The following EMC8 variants were observed in gnomAD, a reference collection of about 807,000 sequenced individuals.
EMC8 encodes ER membrane protein complex subunit 8, also known as COX4 neighbor.
A neutral mutation model predicts 24.3 loss-of-function variants in EMC8; 11 were observed. That is an observed-to-expected ratio of 0.45 (90% CI 0.28 to 0.75). EMC8 has a LOEUF of 0.75. Among genes scored for constraint, EMC8 ranks in the 30% least tolerant of loss-of-function variants. The pLI is 0.12. For synonymous variants in EMC8, 145 were observed against 117.7 expected (o/e 1.23, Z -1.50); for missense variants, 277 against 282.7 (o/e 0.98, Z 0.14).
In EMC8 at chr16:85,779,720, T is replaced by C. The variant is rs368476113; in HGVS notation, c.621A>G (p.Leu207=). The C allele has an allele frequency of 4.3e-6, 7 of 1,614,086 alleles. No individual in the cohort carries two copies. The highest frequency in any genetic ancestry group is 5.9e-6 in the Non-Finnish European group (7 of 1,180,030). The stretch of plus-strand genomic sequence containing the variant: ...CAGCGGTGCCTGCCTAGCACAAGTG[T>C]AGGACAGCTTTATTGATCTCTGGGT... The part of the protein sequence containing the change: ...WTNPEINKAV[L]HLC Residue 207 remains leucine, a synonymous_variant, in exon 5 of 5, where the codon CTA becomes CTG. Transcript: ENST00000253457.
At chr16:85,784,434 TTA>T (rs1904655663) in intron 2 of EMC8, 1 of 152,254 alleles carries the variant, frequency 6.6e-6, no homozygotes, top group Non-Finnish European at 1.5e-5. Flanking sequence ...ACAAATTATT[TTA>T]TATGATTATT....
intron 1 of EMC8, among the ~76,000 whole-genome samples, chr16:85,790,924 T>C (rs1452594766): frequency 6.6e-6 from 1 of 152,142 alleles, no homozygotes; most frequent in Non-Finnish European, 1.5e-5. Flanking sequence ...ACTCCTGGGC[T>C]CAAGTGATCC....
chr16:85,791,882 C>G (rs1425374507), intron 1 of EMC8, among the ~76,000 whole-genome samples: 1 of 152,182 alleles, frequency 6.6e-6, no homozygotes, highest in East Asian at 1.9e-4. Flanking sequence ...CCCTCAAGCC[C>G]TTAACTTAAT....
chr16:85,799,339 G>C lies in EMC8; in HGVS notation c.-44C>G. The C allele has an allele frequency of 7.6e-7, 1 of 1,319,288 alleles. No individual in the cohort carries two copies. The highest frequency in any genetic ancestry group is 1.0e-6 in the Non-Finnish European group (1 of 987,280). 81.7% of individuals were successfully genotyped at this position (1,319,288 alleles called of 1,614,324 possible). ...CGGAGGCCCCTGGGCGCGCGGCTGAGGCCTGGACCCGCTGCCTGGCCGCGC... is the reference window on the plus strand; with the variant it reads ...CGGAGGCCCCTGGGCGCGCGGCTGACGCCTGGACCCGCTGCCTGGCCGCGC... On this transcript the variant is annotated 5_prime_UTR_variant, in exon 1 of 5. Transcript: ENST00000253457. This position sits in a 1 kb window ranked among gnomAD's most constrained non-coding sequence, Gnocchi z 4.2.
At chr16:85,795,014 A>C (rs1338601192) in intron 1 of EMC8, among the ~76,000 whole-genome samples, 1 of 152,194 alleles carries the variant, frequency 6.6e-6, no homozygotes, top group Admixed American at 6.5e-5. Context: ...ATTCATGTAC[A>C]GGTGACTTGA....
In EMC8 at chr16:85,780,426, G is replaced by C. The variant is rs373545303; in HGVS notation, c.426C>G (p.His142Gln). The change falls in exon 4 of 5, where the codon CAC becomes CAG. Residue 142 changes from histidine to glutamine, a missense_variant. Coordinates refer to ENST00000253457, the MANE Select transcript of EMC8 (RefSeq NM_006067.5). ...FTMDCVAPTI[H>Q]VYEHHENRWR... is the part of the protein sequence containing the mutation. ...ATCTGTTCTCATGGTGCTCGTACACGTGGATCGTAGGCGCTACGCAGTCCA... is the reference window on the plus strand; with the variant it reads ...ATCTGTTCTCATGGTGCTCGTACACCTGGATCGTAGGCGCTACGCAGTCCA... The C allele has an allele frequency of 2.0e-5, 33 of 1,614,064 alleles. No individual in the cohort carries two copies. The highest frequency in any genetic ancestry group is 2.8e-5 in the Non-Finnish European group (33 of 1,179,998).
chr16:85,783,999 C>CT (rs920465069), intron 2 of EMC8, among the ~76,000 whole-genome samples: 9 of 151,542 alleles, frequency 5.9e-5, no homozygotes, highest in Non-Finnish European at 1.0e-4. Context: ...ATCCATCTTT[C>CT]TTTTTTTTTC....
At chr16:85,781,163 T>G (rs1904476859) in intron 3 of EMC8, 48 bp downstream of exon 3, 2 of 1,386,214 alleles carry the variant, frequency 1.4e-6, no homozygotes, top group Non-Finnish European at 1.0e-6. Flanking sequence ...TCCAGGTTGG[T>G]GAGAGGAGGC....
chr16:85,789,848 C>T (rs115048924), intron 1 of EMC8, among the ~76,000 whole-genome samples: 160 of 152,010 alleles, frequency 1.1e-3, no homozygotes, highest in African/African-American at 3.7e-3. Context: ...TTCTAAGCAC[C>T]GCATCATGAA....
chr16:85,779,989 GA>G (rs1904411863), intron 4 of EMC8, 122 bp from the exon 5 acceptor site: 1 of 768,968 alleles, frequency 1.3e-6, no homozygotes, highest in Non-Finnish European at 2.2e-6. Context: ...AGAGTACTGA[GA>G]AACATGTGCA....
intron 1 of EMC8, among the ~76,000 whole-genome samples, chr16:85,794,759 C>T (rs1439018215): frequency 6.6e-6 from 1 of 152,116 alleles, no homozygotes; most frequent in African/African-American, 2.4e-5. Context: ...AGAGTAGTTA[C>T]CGCAGGGAGT....
intron 1 of EMC8, among the ~76,000 whole-genome samples, chr16:85,794,015 A>G (rs1905137216): frequency 6.6e-6 from 1 of 152,236 alleles, no homozygotes; most frequent in Admixed American, 6.5e-5. Flanking sequence ...CCTTTGATAG[A>G]CAGTCTATGG....
chr16:85,782,128 C>A (rs967756670), intron 2 of EMC8, among the ~76,000 whole-genome samples: 1 of 152,198 alleles, frequency 6.6e-6, no homozygotes, highest in Admixed American at 6.5e-5. Context: ...CTGCTGGGCA[C>A]CTGCCAGCTC....
chr16:85,783,050 T>TG (rs1294209105), intron 2 of EMC8, among the ~76,000 whole-genome samples: 2 of 152,176 alleles, frequency 1.3e-5, no homozygotes, highest in Non-Finnish European at 2.9e-5. Context: ...CTGTAATCCC[T>TG]GCACTTTCGG....
At chr16:85,788,946 G>C in intron 2 of EMC8, 28 bp downstream of exon 2, 1 of 1,557,460 alleles carries the variant, frequency 6.4e-7, no homozygotes, top group Non-Finnish European at 8.9e-7. Context: ...TCACTTCCTC[G>C]CCCACAGAGG....
intron 1 of EMC8, among the ~76,000 whole-genome samples, chr16:85,790,871 G>A (rs1904977113): frequency 6.6e-6 from 1 of 152,064 alleles, no homozygotes; most frequent in Non-Finnish European, 1.5e-5. Context: ...CCGTTGTCCG[G>A]GCTGGAGAGC....
rs301169 is a variant in EMC8 at position 85,781,595 on chromosome 16, T to A, written c.309-315A>T. The A allele has an allele frequency of 4.1e-3, 935 of 226,316 alleles. 6 individuals carry two copies. Among genetic ancestry groups the A allele is most frequent in the Admixed American group, 7.0e-3 (118 of 16,940 alleles). The allele number at this position is 226,316 out of a possible 1,614,324, so 14.0% of individuals were successfully genotyped here. On this transcript the variant is annotated intron_variant, in intron 2 of 4. Transcript: ENST00000253457. The stretch of plus-strand genomic sequence containing the variant: ...GGCACAGGCCACCACACCCAGTTAC[T>A]TTTTAGTGTTTTTTTTTGCTTTTTT...
intron 1 of EMC8, among the ~76,000 whole-genome samples, chr16:85,792,212 C>A (rs758013195): frequency 1.3e-5 from 2 of 152,162 alleles, no homozygotes; most frequent in Non-Finnish European, 2.9e-5. Context: ...ACATGTATAT[C>A]TCAACTTACA....
At chr16:85,781,440 T>C (rs1184298460) in intron 2 of EMC8, 160 bp from the exon 3 acceptor site, 1 of 600,390 alleles carries the variant, frequency 1.7e-6, no homozygotes. Context: ...ATTATTTAAT[T>C]TTTTGGTAGA....
Sources: allele counts gnomAD v4.1 joint callset (sites outside exome capture counted in the v4.1 genomes callset), GRCh38; gene constraint gnomAD v4.1.1; non-coding constraint Gnocchi (gnomAD v3.1); transcripts MANE v1.5; gene names NCBI Gene and HGNC (gene_info 2026-07-23, HGNC 2026-07-21).